Variants in BMPR1B observed in about 807,000 individuals in gnomAD.
BMPR1B encodes the protein bone morphogenetic protein receptor type-1B.
A neutral mutation model predicts 59.1 loss-of-function variants in BMPR1B; 12 were observed. The ratio of observed to expected loss-of-function variants is 0.20; its 90% confidence interval spans 0.13 to 0.33. The LOEUF is 0.33. Among genes scored for constraint, BMPR1B ranks in the 10% least tolerant of loss-of-function variants. The pLI is 1.00. For missense variants in BMPR1B, 550 were observed against 610.9 expected (o/e 0.90, Z 1.05); for synonymous variants, 237 against 207.3 (o/e 1.14, Z -1.23).
At chr4:95,105,291 C>T (rs760908569) in intron 4 of BMPR1B, among the ~76,000 whole-genome samples, 3 of 152,030 alleles carry the variant, frequency 2.0e-5, no homozygotes, top group Non-Finnish European at 2.9e-5. Context: ...AGAAGTGGGT[C>T]AGCTATCTAG....
At chr4:94,795,654 G>A (rs945379019) in intron 1 of BMPR1B, among the ~76,000 whole-genome samples, 2 of 151,934 alleles carry the variant, frequency 1.3e-5, no homozygotes, top group African/African-American at 4.8e-5. Flanking sequence ...AGTAGAGACG[G>A]GGTTTCACCA....
In BMPR1B at chr4:95,154,960, G is replaced by GA; in HGVS notation, c.*287_*288insA. 1 of 350,642 alleles carries GA rather than the reference G, an allele frequency of 2.9e-6. No individual in the cohort carries two copies. The highest frequency in any genetic ancestry group is 5.3e-6 in the Non-Finnish European group (1 of 189,514). 21.7% of individuals were successfully genotyped at this position (350,642 alleles called of 1,614,324 possible). A position where few individuals can be genotyped will look rare whatever the true frequency, so the allele number is the denominator to read the frequency against. On this transcript the variant is annotated 3_prime_UTR_variant, in exon 13 of 13. Coordinates refer to ENST00000515059, the MANE Select transcript of BMPR1B (RefSeq NM_001203.3). ...TAAGAAAGCCCTGTATTTTGTGATT[G>GA]CCTTTTTTTTTTTTTAAGATGCTTT...
intron 11 of BMPR1B, among the ~76,000 whole-genome samples, chr4:95,149,562 C>G (rs1429950471): frequency 6.6e-6 from 1 of 152,136 alleles, no homozygotes; most frequent in Non-Finnish European, 1.5e-5. Context: ...ATTACTTGTA[C>G]TATTTTGATT....
At chr4:95,133,945 G>A (rs1234746549) in intron 10 of BMPR1B, among the ~76,000 whole-genome samples, 1 of 151,518 alleles carries the variant, frequency 6.6e-6, no homozygotes, top group African/African-American at 2.4e-5. Flanking sequence ...TGTTACATAT[G>A]TATACGTGTG....
chr4:95,022,417 G>T (rs945388057), intron 3 of BMPR1B, among the ~76,000 whole-genome samples: 1 of 152,136 alleles, frequency 6.6e-6, no homozygotes. Flanking sequence ...TTCTGTTAGT[G>T]TGTGCTTCTT....
At chr4:94,895,426 T>G (rs1727548815) in intron 2 of BMPR1B, among the ~76,000 whole-genome samples, 1 of 151,942 alleles carries the variant, frequency 6.6e-6, no homozygotes, top group Non-Finnish European at 1.5e-5. Context: ...CTTGGAGATT[T>G]TAGACAAACG....
At chr4:95,106,053 C>T (rs1731178474) in intron 4 of BMPR1B, among the ~76,000 whole-genome samples, 2 of 151,872 alleles carry the variant, frequency 1.3e-5, no homozygotes, top group African/African-American at 4.8e-5. Context: ...AGAAAGTGTT[C>T]AGTCAGGGTA....
At chr4:95,037,355 C>T (rs745660361) in intron 3 of BMPR1B, among the ~76,000 whole-genome samples, 25 of 152,018 alleles carry the variant, frequency 1.6e-4, no homozygotes, top group Non-Finnish European at 3.4e-4. Flanking sequence ...AAGTATTTTC[C>T]CTGGTAGATG....
At chr4:95,030,187 T>G (rs1724725965) in intron 3 of BMPR1B, among the ~76,000 whole-genome samples, 1 of 152,106 alleles carries the variant, frequency 6.6e-6, no homozygotes, top group African/African-American at 2.4e-5. Context: ...ATGAAGTCCT[T>G]GCCCATGCCT....
At chr4:95,095,710 A>T (rs1730323126) in intron 3 of BMPR1B, among the ~76,000 whole-genome samples, 1 of 152,100 alleles carries the variant, frequency 6.6e-6, no homozygotes, top group African/African-American at 2.4e-5. Flanking sequence ...TGAATTTTAA[A>T]GTCTCATATC....
rs1004897784 is a variant in BMPR1B at position 94,784,673 on chromosome 4, A to G, written c.-183+26605A>G. ...GCACCCAGCCTAAATGTTAACATAC[A>G]TTGGCATAAAATTTATACTGGGCCC... On this transcript the variant is annotated intron_variant, in intron 1 of 12. Transcript: ENST00000515059. Among the ~76,000 whole-genome samples the G allele has an allele frequency of 3.9e-5, 6 of 152,112 alleles. No individual in the cohort carries two copies. In the East Asian group the frequency reaches 9.7e-4, roughly 24 times the overall value.
intron 3 of BMPR1B, among the ~76,000 whole-genome samples, chr4:95,069,304 A>C (rs1329286346): frequency 2.6e-5 from 4 of 152,196 alleles, no homozygotes; most frequent in Non-Finnish European, 5.9e-5. Context: ...CAATCAGAGT[A>C]GAAGTTTTCA....
At chr4:95,107,780 A>G (rs1731296712) in intron 4 of BMPR1B, among the ~76,000 whole-genome samples, 1 of 152,110 alleles carries the variant, frequency 6.6e-6, no homozygotes, top group South Asian at 2.1e-4. Context: ...CAGTTCTGAC[A>G]TTGGTTCTGA....
intron 2 of BMPR1B, among the ~76,000 whole-genome samples, chr4:94,929,204 T>A (rs999436263): frequency 4.6e-5 from 7 of 152,210 alleles, no homozygotes; most frequent in Middle Eastern, 3.4e-3. Flanking sequence ...GTCAAAGCCG[T>A]CGTTAAACAT....
At chr4:94,761,232 C>G (rs1456872664) in intron 1 of BMPR1B, among the ~76,000 whole-genome samples, 3 of 152,144 alleles carry the variant, frequency 2.0e-5, no homozygotes, top group Non-Finnish European at 2.9e-5. Flanking sequence ...TTTGCAATAA[C>G]TGATAATCAT....
chr4:95,134,799 C>T (rs1324891464), intron 10 of BMPR1B, among the ~76,000 whole-genome samples: 1 of 152,076 alleles, frequency 6.6e-6, no homozygotes, highest in East Asian at 1.9e-4. Flanking sequence ...AGATTTTCTC[C>T]CATTCTGTAG....
chr4:94,816,964 G>A (rs572637693), intron 1 of BMPR1B, among the ~76,000 whole-genome samples: 5 of 152,252 alleles, frequency 3.3e-5, no homozygotes, highest in African/African-American at 1.2e-4. Flanking sequence ...CCTTTAGGAG[G>A]TGATTAAGTC....
chr4:94,962,138 TC>T (rs1730391384), intron 2 of BMPR1B, among the ~76,000 whole-genome samples: 1 of 124,624 alleles, frequency 8.0e-6, no homozygotes. Context: ...CTTCCTTCCT[TC>T]CTTTCTTTTT....
At chr4:94,901,114 C>T (rs1431141073) in intron 2 of BMPR1B, among the ~76,000 whole-genome samples, 1 of 151,914 alleles carries the variant, frequency 6.6e-6, no homozygotes, top group African/African-American at 2.4e-5. Flanking sequence ...GGTTGAAACT[C>T]AAACAAGTAT....
Sources: allele counts gnomAD v4.1 joint callset (sites outside exome capture counted in the v4.1 genomes callset), GRCh38; gene constraint gnomAD v4.1.1; transcripts MANE v1.5; gene names NCBI Gene and HGNC (gene_info 2026-07-23, HGNC 2026-07-21).